Variants in LUZP2 observed in about 807,000 individuals in gnomAD.
LUZP2 encodes leucine zipper protein 2.
Under a neutral mutation model 51.6 loss-of-function variants are expected in LUZP2, and 52 were observed. The ratio of observed to expected loss-of-function variants is 1.01; its 90% CI spans 0.81 to 1.27. LUZP2 has a LOEUF of 1.27. Ranked by LOEUF, LUZP2 falls within the 50% of genes most tolerant of loss-of-function variation. The pLI is 0.00. For synonymous variants in LUZP2, 154 were observed against 137.3 expected, an observed-to-expected ratio of 1.12 and a Z score of -0.85; for missense variants, 436 against 395.4, an observed-to-expected ratio of 1.10 and a Z score of -0.87.
At position 24,926,235 on chromosome 11, in the gene LUZP2, ATGTG is replaced by A. The variant is rs1259888708; in HGVS notation, c.522+11703_522+11706del. On this transcript the variant is annotated intron_variant, in intron 7 of 11. Coordinates refer to ENST00000336930, the MANE Select transcript of LUZP2 (RefSeq NM_001009909.4). The stretch of plus-strand genomic sequence containing the variant: ...TATATATATATACGTGTATATATAT[ATGTG>A]TGTGTATATATATACGTGTGTGTAT... 3.7e-4 allele frequency among the ~76,000 whole-genome samples: 54 copies of A among 145,868 alleles called. 1 individual carries two copies. The highest frequency in any genetic ancestry group is 1.3e-3 in the African/African-American group (53 of 39,696).
At chr11:24,616,188 C>A (rs1854279652) in intron 1 of LUZP2, among the ~76,000 whole-genome samples, 1 of 151,830 alleles carries the variant, frequency 6.6e-6, no homozygotes, top group Non-Finnish European at 1.5e-5. Context: ...TTCGCAGAGG[C>A]AAAATTTTCA....
chr11:24,732,320 T>G, intron 3 of LUZP2, 132 bp downstream of exon 3: 40 of 604,616 alleles, frequency 6.6e-5, no homozygotes, highest in East Asian at 1.2e-4. Flanking sequence ...ATGCATGCAA[T>G]TCACTTGGGA....
chr11:24,590,275 T>G (rs568216489), intron 1 of LUZP2, among the ~76,000 whole-genome samples: 1 of 152,294 alleles, frequency 6.6e-6, no homozygotes, highest in Admixed American at 6.5e-5. Context: ...TTTTAAATTA[T>G]TTACTTTTTA....
intron 4 of LUZP2, among the ~76,000 whole-genome samples, chr11:24,747,791 A>C (rs771451172): frequency 6.7e-4 from 101 of 151,812 alleles, no homozygotes; most frequent in Non-Finnish European, 1.2e-3. Flanking sequence ...ACCTAGGAGG[A>C]TTATGGCTAC....
intron 4 of LUZP2, 100 bp downstream of exon 4, chr11:24,738,402 A>G (rs2133983597): frequency 7.9e-6 from 6 of 759,722 alleles, no homozygotes; most frequent in South Asian, 3.4e-5. Flanking sequence ...ATAAAAAATA[A>G]AAGTGAAAAG....
intron 10 of LUZP2, among the ~76,000 whole-genome samples, chr11:25,072,664 A>G (rs781740211): frequency 1.3e-4 from 20 of 152,206 alleles, no homozygotes; most frequent in Admixed American, 5.9e-4. Context: ...CTTACCCTGT[A>G]ATGTAGTGTA....
chr11:24,956,548 A>T (rs1489562282), intron 7 of LUZP2, among the ~76,000 whole-genome samples: 2 of 152,138 alleles, frequency 1.3e-5, no homozygotes, highest in Non-Finnish European at 2.9e-5. Context: ...TGGAGGAATC[A>T]GAAACATGTG....
intron 1 of LUZP2, among the ~76,000 whole-genome samples, chr11:24,681,537 A>G (rs1444899127): frequency 6.6e-6 from 1 of 152,182 alleles, no homozygotes; most frequent in East Asian, 1.9e-4. Context: ...GGAACGAAAT[A>G]GATATTAGAT....
chr11:25,022,173 C>A (rs1220273668), intron 9 of LUZP2, among the ~76,000 whole-genome samples: 1 of 151,998 alleles, frequency 6.6e-6, no homozygotes, highest in Non-Finnish European at 1.5e-5. Context: ...GAAGGGTCAG[C>A]TAACTGTATT....
At chr11:24,769,792 TG>T (rs1278492918) in intron 5 of LUZP2, among the ~76,000 whole-genome samples, 4,115 of 150,276 alleles carry the variant, frequency 0.027, 248 homozygotes, top group African/African-American at 0.098. Flanking sequence ...TTCTCTTTTT[TG>T]TTTGTTTGTT....
At chr11:24,828,648 C>A (rs1277176192) in intron 5 of LUZP2, among the ~76,000 whole-genome samples, 1 of 151,574 alleles carries the variant, frequency 6.6e-6, no homozygotes, top group South Asian at 2.1e-4. Flanking sequence ...TGTGTCATAA[C>A]CTGCGTGAAT....
rs1215786412 is a variant in LUZP2, at chr11:24,826,190, A to AAAAAAATATATATAT, written c.396+62883_396+62884insAAAAATATATATATA. Among the ~76,000 whole-genome samples the AAAAAAATATATATAT allele has an allele frequency of 1.3e-3, 89 of 67,546 alleles. 1 individual carries two copies. The highest frequency in any genetic ancestry group is 1.2e-3 in the Admixed American group (5 of 4,246). 44.3% of individuals were successfully genotyped at this position (67,546 alleles called of 152,430 possible). On this transcript the variant is annotated intron_variant, in intron 5 of 11. Coordinates refer to ENST00000336930, the MANE Select transcript of LUZP2 (RefSeq NM_001009909.4). The stretch of plus-strand genomic sequence containing the variant: ...GACTCCATCTCAAAAAAAAAAAAAA[A>AAAAAAATATATATAT]ATATATATATATATATATAGTAAAA...
chr11:24,931,606 G>A (rs1854454040), intron 7 of LUZP2, among the ~76,000 whole-genome samples: 1 of 152,122 alleles, frequency 6.6e-6, no homozygotes, highest in Non-Finnish European at 1.5e-5. Flanking sequence ...TTTTTCTCTG[G>A]AGATTTCTTT....
intron 7 of LUZP2, among the ~76,000 whole-genome samples, chr11:24,926,172 G>A (rs913547009): frequency 6.7e-6 from 1 of 149,336 alleles, no homozygotes; most frequent in Non-Finnish European, 1.5e-5. Flanking sequence ...AGTGCATAAA[G>A]GCAATGTTAT....
At chr11:24,902,212 T>C (rs544594385) in intron 5 of LUZP2, among the ~76,000 whole-genome samples, 66 of 152,216 alleles carry the variant, frequency 4.3e-4, no homozygotes, top group African/African-American at 1.5e-3. Flanking sequence ...AAAAATAAAC[T>C]GGTAAACTCA....
chr11:25,061,838 G>A (rs1208002557), intron 10 of LUZP2, among the ~76,000 whole-genome samples: 2 of 151,974 alleles, frequency 1.3e-5, no homozygotes, highest in Non-Finnish European at 2.9e-5. Context: ...CATGCATAAA[G>A]AGAAATGATA....
intron 3 of LUZP2, among the ~76,000 whole-genome samples, chr11:24,737,989 T>C (rs1564993): frequency 0.29 from 43,581 of 150,546 alleles, 7,070 homozygotes; most frequent in East Asian, 0.57. Flanking sequence ...TAAAGCATAA[T>C]AGTAAGGTTA....
In LUZP2 at chr11:24,513,925, C is replaced by A. The variant is rs191559848; in HGVS notation, c.62+16620C>A. Among the ~76,000 whole-genome samples, 109 of 152,292 alleles carry A rather than the reference C, an allele frequency of 7.2e-4. 1 individual carries two copies. Among genetic ancestry groups the A allele is most frequent in the African/African-American group, 2.6e-3 (106 of 41,558 alleles). On this transcript the variant is annotated intron_variant, in intron 1 of 11. Coordinates refer to ENST00000336930, the MANE Select transcript of LUZP2 (RefSeq NM_001009909.4). The stretch of plus-strand genomic sequence containing the variant: ...AAACAGAATGCTAATTGGAGGACCA[C>A]GTAAGCATGGAACGGATTTAATGTT...
intron 5 of LUZP2, among the ~76,000 whole-genome samples, chr11:24,873,211 C>A (rs183994784): frequency 2.6e-5 from 4 of 152,238 alleles, no homozygotes; most frequent in Admixed American, 2.6e-4. Context: ...AAGAATTGAG[C>A]AAGTTGTAAG....
Sources: gnomAD v4.1 joint callset for allele counts (sites outside exome capture counted in the v4.1 genomes callset) on GRCh38, gnomAD v4.1.1 for gene constraint, MANE v1.5 for transcripts, NCBI Gene and HGNC (gene_info 2026-07-23, HGNC 2026-07-21) for gene names.